RBMS1: variants seen among roughly 807,000 people sequenced by gnomAD.
RBMS1 encodes RNA-binding motif, single-stranded-interacting protein 1.
A neutral mutation model predicts 62.3 loss-of-function variants in RBMS1; 17 were observed. That is an observed-to-expected ratio of 0.27 (90% confidence interval 0.19 to 0.41). The LOEUF is 0.41. Among genes scored for constraint, RBMS1 ranks in the 10% least tolerant of loss-of-function variants. RBMS1 has a pLI of 1.00. For missense variants in RBMS1, 334 were observed against 504.5 expected, an observed-to-expected ratio of 0.66 and a Z score of 3.24; for synonymous variants, 172 against 170.0, an observed-to-expected ratio of 1.01 and a Z score of -0.09.
At chr2:160,440,482 G>T (rs936052754) in intron 1 of RBMS1, among the ~76,000 whole-genome samples, 1 of 152,060 alleles carries the variant, frequency 6.6e-6, no homozygotes, top group Non-Finnish European at 1.5e-5. Flanking sequence ...CCCCAGGAAG[G>T]ATCTCCATGT....
At chr2:160,468,048 C>A (rs2105340489) in intron 1 of RBMS1, among the ~76,000 whole-genome samples, 1 of 152,314 alleles carries the variant, frequency 6.6e-6, no homozygotes, top group Admixed American at 6.5e-5. Context: ...CACAAATCTC[C>A]TCTGAAGAGC....
chr2:160,336,437 A>G (rs1157593520), intron 2 of RBMS1, among the ~76,000 whole-genome samples: 1 of 152,124 alleles, frequency 6.6e-6, no homozygotes, highest in Non-Finnish European at 1.5e-5. Context: ...AGGATATTGT[A>G]TCCTGGGAGA....
intron 1 of RBMS1, among the ~76,000 whole-genome samples, chr2:160,391,972 C>A (rs563637682): frequency 2.0e-5 from 3 of 151,558 alleles, no homozygotes; most frequent in East Asian, 1.9e-4. Context: ...AAAAAAAAAA[C>A]CAAATTAATT....
At chr2:160,410,096 C>G (rs1188845319) in intron 1 of RBMS1, among the ~76,000 whole-genome samples, 1 of 150,958 alleles carries the variant, frequency 6.6e-6, no homozygotes, top group Non-Finnish European at 1.5e-5. Context: ...GTGGCGGGCG[C>G]CTGTAGTCCC....
Position 160,385,947 on chromosome 2 carries a change from C to A in RBMS1, c.76-18556G>T, listed in dbSNP as rs139110262. 4.1e-3 allele frequency among the ~76,000 whole-genome samples: 620 copies of A among 152,298 alleles called. 1 individual carries two copies. The highest frequency in any genetic ancestry group is 7.0e-3 in the Non-Finnish European group (478 of 68,014). ...TAACCTGGGAAACCTAGGAACCTGG[C>A]TTCCAAACATGGTATAATGTTTCTA... On this transcript the variant is annotated intron_variant, in intron 1 of 13. Coordinates refer to ENST00000348849, the MANE Select transcript of RBMS1 (RefSeq NM_016836.4).
chr2:160,415,405 G>A (rs1696174857), intron 1 of RBMS1, among the ~76,000 whole-genome samples: 1 of 152,008 alleles, frequency 6.6e-6, no homozygotes, highest in Admixed American at 6.6e-5. Context: ...GAGGAAGGAA[G>A]GAATGGGTGT....
intron 1 of RBMS1, among the ~76,000 whole-genome samples, chr2:160,481,499 G>A (rs1466883881): frequency 6.6e-6 from 1 of 151,776 alleles, no homozygotes; most frequent in East Asian, 1.9e-4. Flanking sequence ...ATCAATCAGA[G>A]AGTAAAAAGG....
intron 1 of RBMS1, among the ~76,000 whole-genome samples, chr2:160,394,872 C>G (rs1327219269): frequency 6.6e-6 from 1 of 152,262 alleles, no homozygotes; most frequent in East Asian, 1.9e-4. Flanking sequence ...GTCAGAAGAT[C>G]CAGCTTTTCA....
At chr2:160,469,382 T>A (rs1448471189) in intron 1 of RBMS1, among the ~76,000 whole-genome samples, 1 of 152,142 alleles carries the variant, frequency 6.6e-6, no homozygotes, top group South Asian at 2.1e-4. Context: ...TTGGTTCTTG[T>A]TGCCACCCAG....
chr2:160,322,845 C>T (rs12622664), intron 2 of RBMS1, among the ~76,000 whole-genome samples: 3 of 151,970 alleles, frequency 2.0e-5, no homozygotes, highest in African/African-American at 7.3e-5. Flanking sequence ...TGTGGCAATG[C>T]AGTATAGAAC....
chr2:160,365,526 A>C (rs1693350260), intron 2 of RBMS1, among the ~76,000 whole-genome samples: 2 of 152,238 alleles, frequency 1.3e-5, no homozygotes, highest in South Asian at 4.1e-4. Flanking sequence ...GATTCAGTTC[A>C]ATAAAAAAAT....
At chr2:160,426,750 C>G (rs144163659) in intron 1 of RBMS1, among the ~76,000 whole-genome samples, 2 of 152,314 alleles carry the variant, frequency 1.3e-5, no homozygotes, top group African/African-American at 4.8e-5. Context: ...CGCTTCCTCT[C>G]CAGATCTGTG....
chr2:160,306,191 T>C (rs1480366891), intron 4 of RBMS1, among the ~76,000 whole-genome samples: 1 of 151,200 alleles, frequency 6.6e-6, no homozygotes, highest in African/African-American at 2.5e-5. Context: ...GTGGACTTTC[T>C]TTTTAAGAAT....
At chr2:160,300,335 C>T (rs1460865876) in intron 6 of RBMS1, among the ~76,000 whole-genome samples, 4 of 152,110 alleles carry the variant, frequency 2.6e-5, no homozygotes, top group Admixed American at 2.0e-4. Context: ...CAGTGCTCAA[C>T]GGATATGATC....
At chr2:160,356,551 C>G (rs1287592414) in intron 2 of RBMS1, among the ~76,000 whole-genome samples, 1 of 152,066 alleles carries the variant, frequency 6.6e-6, no homozygotes, top group Non-Finnish European at 1.5e-5. Context: ...TGGAGTCAGA[C>G]TGTCCATTCT....
intron 1 of RBMS1, among the ~76,000 whole-genome samples, chr2:160,368,551 A>G (rs532023187): frequency 1.1e-3 from 169 of 152,306 alleles, no homozygotes; most frequent in Non-Finnish European, 1.8e-3. Flanking sequence ...TCCGTTGCCC[A>G]CTATAGATTC....
At chr2:160,451,215 T>C (rs1683977918) in intron 1 of RBMS1, among the ~76,000 whole-genome samples, 1 of 152,092 alleles carries the variant, frequency 6.6e-6, no homozygotes, top group African/African-American at 2.4e-5. Flanking sequence ...GTTTATTGTC[T>C]TGATGTTTTG....
At chr2:160,392,907 A>G (rs1694939728) in intron 1 of RBMS1, among the ~76,000 whole-genome samples, 1 of 152,094 alleles carries the variant, frequency 6.6e-6, no homozygotes, top group African/African-American at 2.4e-5. Flanking sequence ...AAGAAAAAAA[A>G]AGAGAGAGAG....
At chr2:160,354,048 T>C (rs946017486) in intron 2 of RBMS1, among the ~76,000 whole-genome samples, 15 of 152,092 alleles carry the variant, frequency 9.9e-5, no homozygotes, top group African/African-American at 3.4e-4. Context: ...TTAGTATAAG[T>C]GCCTGTTATG....
Sources: allele counts gnomAD v4.1 joint callset (sites outside exome capture counted in the v4.1 genomes callset), GRCh38; gene constraint gnomAD v4.1.1; transcripts MANE v1.5; gene names NCBI Gene and HGNC (gene_info 2026-07-23, HGNC 2026-07-21).